The following PNKD variants were observed in gnomAD, a reference collection of about 807,000 sequenced individuals.
PNKD encodes the protein PNKD metallo-beta-lactamase domain containing.
In PNKD, 36 loss-of-function variants were observed where a neutral mutation model predicts 45.3. That is an observed-to-expected ratio of 0.80 (90% CI 0.61 to 1.05). PNKD has a LOEUF of 1.05. Ranked by LOEUF, PNKD falls within the 50% of genes least tolerant of loss-of-function variation. PNKD has a pLI of 0.00. For synonymous variants in PNKD, 197 were observed against 210.1 expected (o/e 0.94, Z 0.54); for missense variants, 511 against 506.6 (o/e 1.01, Z -0.08).
chr2:218,285,151 T>C (rs1385335820), intron 2 of PNKD, among the ~76,000 whole-genome samples: 4 of 152,148 alleles, frequency 2.6e-5, no homozygotes, highest in Admixed American at 2.6e-4. Context: ...CCCTGATCAA[T>C]GGGGATAAAG....
At chr2:218,315,660 A>G (rs1693791064) in intron 2 of PNKD, among the ~76,000 whole-genome samples, 2 of 152,170 alleles carry the variant, frequency 1.3e-5, no homozygotes, top group African/African-American at 4.8e-5. Context: ...CAGATTGAAC[A>G]TGTCTTTCAT....
chr2:218,279,561 G>A, intron 2 of PNKD: 1 of 531,672 alleles, frequency 1.9e-6, no homozygotes, highest in East Asian at 3.1e-5. Flanking sequence ...CTCCCCTCCT[G>A]TCCAACACCA....
At chr2:218,321,011 C>T (rs150981932) in intron 2 of PNKD, among the ~76,000 whole-genome samples, 8 of 152,276 alleles carry the variant, frequency 5.3e-5, no homozygotes, top group African/African-American at 1.4e-4. Flanking sequence ...TTCCCAGTCC[C>T]GCCTTGACTC....
intron 2 of PNKD, chr2:218,278,502 C>T: frequency 6.2e-7 from 1 of 1,613,900 alleles, no homozygotes; most frequent in Non-Finnish European, 8.5e-7. Flanking sequence ...TGTGTTAAGT[C>T]TCTGGGACTC....
rs1691593555 is a variant in PNKD, at chr2:218,279,217, C to G, written c.236+7668C>G. ...TCACCCTGAGAGCAGGGCCCACCGC[C>G]ACCCACACCCCCAGCAGGTGACCCT... is the stretch of plus-strand genomic sequence containing the variant. On this transcript the variant is annotated intron_variant, in intron 2 of 9. Coordinates refer to ENST00000273077, the MANE Select transcript of PNKD (RefSeq NM_015488.5). The G allele has an allele frequency of 3.2e-6, 5 of 1,554,124 alleles. No individual in the cohort carries two copies. In the African/African-American group the frequency reaches 6.8e-5, roughly 21 times the overall value.
At chr2:218,282,248 A>G in intron 2 of PNKD, 1 of 934,330 alleles carries the variant, frequency 1.1e-6, no homozygotes, top group Non-Finnish European at 1.5e-6. Flanking sequence ...TCATGGGCCC[A>G]CTTCCAGCCT....
chr2:218,341,867 T>A (rs776146884), intron 6 of PNKD, 114 bp from the exon 7 acceptor site: 1 of 913,394 alleles, frequency 1.1e-6, no homozygotes. Context: ...TGACTTCTTT[T>A]GTATGGAAGC....
At chr2:218,280,076 C>G (rs748185606) in intron 2 of PNKD, 1 of 1,614,134 alleles carries the variant, frequency 6.2e-7, no homozygotes, top group Non-Finnish European at 8.5e-7. Flanking sequence ...TCTCCAGGCC[C>G]GAAGCTATCA....
At chr2:218,331,702 A>G (rs1291900772) in intron 2 of PNKD, among the ~76,000 whole-genome samples, 1 of 152,150 alleles carries the variant, frequency 6.6e-6, no homozygotes, top group Non-Finnish European at 1.5e-5. Context: ...TCCTGACCTC[A>G]GGTGATCCAT....
intron 2 of PNKD, among the ~76,000 whole-genome samples, chr2:218,315,057 T>TCTTCCTTCCTTCCTTCCTTCCTTC (rs1393170995): frequency 9.0e-5 from 5 of 55,638 alleles, no homozygotes; most frequent in Admixed American, 2.4e-4. Flanking sequence ...TTTCTTTCTT[T>TCTTCCTTCCTTCCTTCCTTCCTTC]CTTCCTTCCT....
intron 3 of PNKD, 57 bp from the exon 4 acceptor site, chr2:218,339,972 C>T (rs1694622765): frequency 1.5e-6 from 2 of 1,296,540 alleles, no homozygotes; most frequent in African/African-American, 1.5e-5. Flanking sequence ...CCTTCACATA[C>T]CCCAGCCCCT....
chr2:218,307,849 A>G (rs888294786), intron 2 of PNKD, among the ~76,000 whole-genome samples: 2 of 152,054 alleles, frequency 1.3e-5, no homozygotes, highest in Non-Finnish European at 2.9e-5. Flanking sequence ...GCAGAGGAAA[A>G]AGGCATGCTC....
rs374101828 is a variant in PNKD, at chr2:218,301,448, C to A, written c.236+29899C>A. ...GAACAAGCCACAATCAGTTCCCAGA[C>A]ATGACCACTAGGGGGCAGAGTCTGA... On this transcript the variant is annotated intron_variant, in intron 2 of 9. Coordinates refer to ENST00000273077, the MANE Select transcript of PNKD (RefSeq NM_015488.5). 9.2e-5 allele frequency among the ~76,000 whole-genome samples: 14 copies of A among 152,248 alleles called. No individual in the cohort carries two copies. The South Asian group carries it at 1.7e-3, about 18-fold the overall frequency.
At chr2:218,299,202 C>T (rs1693212723) in intron 2 of PNKD, among the ~76,000 whole-genome samples, 1 of 152,100 alleles carries the variant, frequency 6.6e-6, no homozygotes, top group Non-Finnish European at 1.5e-5. Flanking sequence ...AGTGCAATGG[C>T]GCGATCTTGG....
chr2:218,317,186 A>C (rs545867742), intron 2 of PNKD, among the ~76,000 whole-genome samples: 1 of 152,242 alleles, frequency 6.6e-6, no homozygotes, highest in South Asian at 2.1e-4. Flanking sequence ...AAGGCATTGG[A>C]ATTGAAGTCA....
chr2:218,299,914 C>T (rs1400992856), intron 2 of PNKD, among the ~76,000 whole-genome samples: 6 of 152,140 alleles, frequency 3.9e-5, no homozygotes, highest in Admixed American at 1.3e-4. Flanking sequence ...AGCCACCGCG[C>T]CCGGCTAATT....
intron 2 of PNKD, among the ~76,000 whole-genome samples, chr2:218,297,212 G>A (rs1418536917): frequency 6.6e-6 from 1 of 152,216 alleles, no homozygotes; most frequent in Non-Finnish European, 1.5e-5. Context: ...AGGTAGGGGT[G>A]GGGTATGGGG....
At chr2:218,306,146 G>C (rs1693397197) in intron 2 of PNKD, among the ~76,000 whole-genome samples, 2 of 152,208 alleles carry the variant, frequency 1.3e-5, no homozygotes, top group African/African-American at 2.4e-5. Flanking sequence ...CATGTGGAGG[G>C]GAGCAGCAGG....
chr2:218,338,565 G>C lies in PNKD; in HGVS notation c.237-1218G>C, dbSNP rs546404628. Among the ~76,000 whole-genome samples the C allele has an allele frequency of 4.6e-5, 7 of 151,832 alleles. No individual in the cohort carries two copies. In the East Asian group the frequency reaches 1.4e-3, roughly 30 times the overall value. Reference sequence around the variant, plus strand: ...GAGGATTTGTTGAGCCCAGGAGTTCGAGACCAGCCTAGACAACAAACTGAG... The same window carrying C: ...GAGGATTTGTTGAGCCCAGGAGTTCCAGACCAGCCTAGACAACAAACTGAG... On this transcript the variant is annotated intron_variant, in intron 2 of 9. Coordinates refer to ENST00000273077, the MANE Select transcript of PNKD (RefSeq NM_015488.5).
Sources: allele counts gnomAD v4.1 joint callset (sites outside exome capture counted in the v4.1 genomes callset), GRCh38; gene constraint gnomAD v4.1.1; transcripts MANE v1.5; gene names NCBI Gene and HGNC (gene_info 2026-07-23, HGNC 2026-07-21).